The following CLEC4D variants were observed in gnomAD, a reference collection of about 807,000 sequenced individuals.
CLEC4D encodes C-type lectin domain family 4 member D.
In CLEC4D, 21 loss-of-function variants were observed where a neutral mutation model predicts 21.1. That is an observed-to-expected ratio of 1.00 (90% CI 0.71 to 1.43). CLEC4D has a LOEUF of 1.43. Ranked by LOEUF, CLEC4D falls within the 40% of genes most tolerant of loss-of-function variation. CLEC4D has a pLI of 0.00. For missense variants in CLEC4D, 289 were observed against 260.7 expected, an observed-to-expected ratio of 1.11 and a Z score of -0.75; for synonymous variants, 85 against 83.1, an observed-to-expected ratio of 1.02 and a Z score of -0.12.
At position 8,522,145 on chromosome 12, in the gene CLEC4D, T is replaced by C. The variant is rs1940466643; in HGVS notation, c.*874T>C. The C allele has an allele frequency of 6.6e-6, 1 of 152,174 alleles. No homozygotes were observed. Among genetic ancestry groups the C allele is most frequent in the African/African-American group, 2.4e-5 (1 of 41,442 alleles). The allele number at this position is 152,174 out of a possible 1,614,324, so 9.4% of individuals were successfully genotyped here. On this transcript the variant is annotated 3_prime_UTR_variant, in exon 6 of 6. Coordinates refer to ENST00000299665, the MANE Select transcript of CLEC4D (RefSeq NM_080387.5). Reference sequence around the variant, plus strand: ...ATTTCTTAATTGTTTGAAGTAACATTGTATTCGTGTTTGCATTATTAATTT... The same window carrying C: ...ATTTCTTAATTGTTTGAAGTAACATCGTATTCGTGTTTGCATTATTAATTT...
chr12:8,516,772 T>C (rs1182793618), intron 2 of CLEC4D, among the ~76,000 whole-genome samples: 1 of 152,254 alleles, frequency 6.6e-6, no homozygotes, highest in Non-Finnish European at 1.5e-5. Flanking sequence ...CGCATGCTTA[T>C]GTGCTCCAAA....
chr12:8,514,186 T>C (rs1299895599), intron 1 of CLEC4D, among the ~76,000 whole-genome samples: 1 of 151,972 alleles, frequency 6.6e-6, no homozygotes, highest in Non-Finnish European at 1.5e-5. Context: ...GATAGATATA[T>C]AGAACAAGTG....
chr12:8,515,278 C>T lies in CLEC4D; in HGVS notation c.71C>T (p.Ala24Val). The change falls in exon 2 of 6, where the codon GCT becomes GTT. Residue 24 changes from alanine to valine, a missense_variant. Ala to Val is a moderately conservative substitution (Grantham distance 64). Transcript: ENST00000299665. ...CCCCAGCTGATACCTTCGGTTATTGCTGTAGTTTTCATCTTACTTCTCAGT... is the reference window on the plus strand; with the variant it reads ...CCCCAGCTGATACCTTCGGTTATTGTTGTAGTTTTCATCTTACTTCTCAGT... ...MHPQLIPSVIAVVFILLLSVC... is the reference protein window; with the variant it reads ...MHPQLIPSVIVVVFILLLSVC... 1 of 1,545,390 alleles carries T rather than the reference C, an allele frequency of 6.5e-7. No homozygotes were observed. Among genetic ancestry groups the T allele is most frequent in the Non-Finnish European group, 8.9e-7 (1 of 1,117,970 alleles).
At chr12:8,515,604 A>T (rs1256316555) in intron 2 of CLEC4D, among the ~76,000 whole-genome samples, 1 of 152,168 alleles carries the variant, frequency 6.6e-6, no homozygotes, top group Admixed American at 6.5e-5. Flanking sequence ...TTGGACTGGG[A>T]TCACAAAGGG....
chr12:8,515,125 T>C (rs1303629486), intron 1 of CLEC4D, 111 bp from the exon 2 acceptor site: 3 of 634,850 alleles, frequency 4.7e-6, no homozygotes, highest in Middle Eastern at 2.6e-4. Flanking sequence ...TGCTCTTCTC[T>C]AGATCTGAAA....
Position 8,513,552 on chromosome 12 carries a change from C to A in CLEC4D, c.-181C>A. On this transcript the variant is annotated 5_prime_UTR_variant, in exon 1 of 6. Coordinates refer to ENST00000299665, the MANE Select transcript of CLEC4D (RefSeq NM_080387.5). ...AGGAAACCCCTGTCTTTGAAAAAGA[C>A]TTCTTTTGAGCTAACTTTCTTATAC... The A allele has an allele frequency of 8.7e-6, 3 of 346,718 alleles. No individual in the cohort carries two copies. The highest frequency in any genetic ancestry group is 4.4e-5 in the Admixed American group (1 of 22,904). The allele number at this position is 346,718 out of a possible 1,614,324, so 21.5% of individuals were successfully genotyped here. A position where few individuals can be genotyped will look rare whatever the true frequency, so the allele number is the denominator to read the frequency against.
chr12:8,531,353 G>C, the CLEC4D span, among the ~76,000 whole-genome samples: 1 of 152,172 alleles, frequency 6.6e-6, no homozygotes, highest in East Asian at 1.9e-4. Context: ...ATCAGGAAAC[G>C]GAAAGGTAGA....
chr12:8,521,428 C>T lies in CLEC4D; in HGVS notation c.*157C>T. 3 of 1,394,616 alleles carry T rather than the reference C, an allele frequency of 2.2e-6. No individual in the cohort carries two copies. The highest frequency in any genetic ancestry group is 2.8e-6 in the Non-Finnish European group (3 of 1,071,098). The allele number at this position is 1,394,616 out of a possible 1,614,324, so 86.4% of individuals were successfully genotyped here. ...TTTATTTTGTTTGATTCATTCGAGA[C>T]AACATGTGTGTATGTGTGTGTGTGT... On this transcript the variant is annotated 3_prime_UTR_variant, in exon 6 of 6. Coordinates refer to ENST00000299665, the MANE Select transcript of CLEC4D (RefSeq NM_080387.5).
rs909863067 is a variant in CLEC4D, at chr12:8,521,381, G to A, written c.*110G>A. On this transcript the variant is annotated 3_prime_UTR_variant, in exon 6 of 6. Transcript: ENST00000299665. ...CAGAAAACATGCTGGTTCATACAGC[G>A]TTTTTAGTCATAATGGTCTTTTTTA... The A allele has an allele frequency of 2.4e-5, 36 of 1,474,778 alleles. No individual in the cohort carries two copies. The highest frequency in any genetic ancestry group is 2.8e-5 in the African/African-American group (2 of 70,522). 91.4% of individuals were successfully genotyped at this position (1,474,778 alleles called of 1,614,324 possible). A position where few individuals can be genotyped will look rare whatever the true frequency, so the allele number is the denominator to read the frequency against.
downstream of CLEC4D, among the ~76,000 whole-genome samples, chr12:8,523,470 G>A (rs1052979484): frequency 8.5e-5 from 13 of 152,128 alleles, no homozygotes; most frequent in African/African-American, 3.1e-4. Flanking sequence ...TGGTGAATGG[G>A]AGTTCATTTA....
intron 1 of CLEC4D, among the ~76,000 whole-genome samples, chr12:8,514,081 C>A (rs1219830455): frequency 6.6e-6 from 1 of 152,014 alleles, no homozygotes; most frequent in African/African-American, 2.4e-5. Context: ...AGCATTTAGG[C>A]TTATGCTGTA....
downstream of CLEC4D, among the ~76,000 whole-genome samples, chr12:8,523,264 T>C (rs1940480339): frequency 6.6e-6 from 1 of 152,230 alleles, no homozygotes; most frequent in South Asian, 2.1e-4. Context: ...GGGAATAGCA[T>C]TGAATCTATA....
intron 5 of CLEC4D, 90 bp from the exon 6 acceptor site, chr12:8,521,034 T>G: frequency 6.9e-7 from 1 of 1,454,734 alleles, no homozygotes; most frequent in Non-Finnish European, 9.1e-7. Context: ...CTCTGAATTG[T>G]CTCCTAATAT....
chr12:8,518,213 GT>G lies in CLEC4D; in HGVS notation c.173del (p.Leu58Ter), dbSNP rs751085523. 2.1e-6 allele frequency: 3 copies of G among 1,454,890 alleles called. No individual in the cohort carries two copies. The highest frequency in any genetic ancestry group is 2.9e-6 in the Non-Finnish European group (3 of 1,034,892). 90.1% of individuals were successfully genotyped at this position (1,454,890 alleles called of 1,614,324 possible). A position where few individuals can be genotyped will look rare whatever the true frequency, so the allele number is the denominator to read the frequency against. On this transcript the variant is annotated frameshift_variant, in exon 3 of 6. Transcript: ENST00000299665. LOFTEE classifies it high-confidence loss of function. ...GTAAGAGAGGCACAGGAGTGCACAAGTTAGAGCACCATGCAAAGCTCAAATG... is the reference window on the plus strand; with the variant it reads ...GTAAGAGAGGCACAGGAGTGCACAAGTAGAGCACCATGCAAAGCTCAAATG... Reference protein sequence around the residue: ...RCKRGTGVHKLEHHAKLKCIK... With the variant: ...RCKRGTGVHKXEHHAKLKCIK...
chr12:8,518,201 AG>A lies in CLEC4D; in HGVS notation c.161del (p.Gly54GlufsTer5). 7.1e-7 allele frequency: 1 copy of A among 1,415,616 alleles called. No individual in the cohort carries two copies. The highest frequency in any genetic ancestry group is 1.0e-6 in the Non-Finnish European group (1 of 999,046). 87.7% of individuals were successfully genotyped at this position (1,415,616 alleles called of 1,614,324 possible). On this transcript the variant is annotated frameshift_variant, in exon 3 of 6. Coordinates refer to ENST00000299665, the MANE Select transcript of CLEC4D (RefSeq NM_080387.5). LOFTEE classifies it high-confidence loss of function. ...ACTTTTCACGCTGTAAGAGAGGCAC[AG>A]GAGTGCACAAGTTAGAGCACCATGC... ...HNFSRCKRGT[G>X]VHKLEHHAKL...
At chr12:8,529,787 T>C in the CLEC4D span, among the ~76,000 whole-genome samples, 2 of 151,958 alleles carry the variant, frequency 1.3e-5, no homozygotes, top group Non-Finnish European at 2.9e-5. Context: ...AGCAGGGGGA[T>C]GGGAAAGAGA....
chr12:8,519,022 CTGT>C lies in CLEC4D; in HGVS notation c.250_252del (p.Cys84del). 1 of 1,613,814 alleles carries C rather than the reference CTGT, an allele frequency of 6.2e-7. No homozygotes were observed. The highest frequency in any genetic ancestry group is 8.5e-7 in the Non-Finnish European group (1 of 1,179,878). On this transcript the variant is annotated inframe_deletion, in exon 4 of 6. Coordinates refer to ENST00000299665, the MANE Select transcript of CLEC4D (RefSeq NM_080387.5). ...TTTTCACTTGAGGGAGCACCTGGAA[CTGT>C]TGTCCTATTGACTGGAGAGCCTTCC... is the stretch of plus-strand genomic sequence containing the variant.
At chr12:8,517,839 G>A (rs1465930880) in intron 2 of CLEC4D, among the ~76,000 whole-genome samples, 5 of 152,064 alleles carry the variant, frequency 3.3e-5, no homozygotes, top group Non-Finnish European at 7.4e-5. Context: ...CCAGCTACTC[G>A]GGAGGCTGAG....
rs1457035704 is a variant in CLEC4D at position 8,522,278 on chromosome 12, C to A, written c.*1007C>A. The A allele has an allele frequency of 6.6e-6, 1 of 151,994 alleles. No homozygotes were observed. The highest frequency in any genetic ancestry group is 2.4e-5 in the African/African-American group (1 of 41,374). 9.4% of individuals were successfully genotyped at this position (151,994 alleles called of 1,614,324 possible). The stretch of plus-strand genomic sequence containing the variant: ...GCAAGGAAGTTATTGTTTTGACAAC[C>A]AGAAATTATGCTTTTCTGGTGCATG... On this transcript the variant is annotated 3_prime_UTR_variant, in exon 6 of 6. Coordinates refer to ENST00000299665, the MANE Select transcript of CLEC4D (RefSeq NM_080387.5).
Sources: gnomAD v4.1 joint callset for allele counts (sites outside exome capture counted in the v4.1 genomes callset) on GRCh38, gnomAD v4.1.1 for gene constraint, MANE v1.5 for transcripts, NCBI Gene and HGNC (gene_info 2026-07-23, HGNC 2026-07-21) for gene names.